The following DST variants were observed in gnomAD, a reference collection of about 807,000 sequenced individuals.
DST encodes the protein bullous pemphigoid antigen.
In DST, 253 loss-of-function variants were observed where a neutral mutation model predicts 875.2. The observed-to-expected ratio is 0.29, with a 90% CI of 0.26 to 0.32. The LOEUF (loss-of-function observed/expected upper bound fraction) is 0.32, where lower values mean the gene tolerates loss of function less well. Ranked by LOEUF, DST falls within the 10% of genes least tolerant of loss-of-function variation. DST has a pLI of 1.00. For synonymous variants in DST, 3,124 were observed against 3,197.1 expected (o/e 0.98, Z 0.77); for missense variants, 8,287 against 9,111.6 (o/e 0.91, Z 3.68).
chr6:56,893,588 A>AT lies in DST; in HGVS notation c.417+6832dup, dbSNP rs1788963958. On this transcript the variant is annotated intron_variant, in intron 3 of 103. Coordinates refer to ENST00000680361, the MANE Select transcript of DST (RefSeq NM_001374736.1). Reference sequence around the variant, plus strand: ...TTTTTTTTTTTTTTTTTTTTTTTTTATTTTTTTTTATTTTTTATTTTTTAT... The same window carrying AT: ...TTTTTTTTTTTTTTTTTTTTTTTTTATTTTTTTTTTATTTTTTATTTTTTAT... 4.6e-4 allele frequency among the ~76,000 whole-genome samples: 30 copies of AT among 65,148 alleles called. 1 individual carries two copies. Among genetic ancestry groups the AT allele is most frequent in the African/African-American group, 8.9e-4 (10 of 11,174 alleles). 42.7% of individuals were successfully genotyped at this position (65,148 alleles called of 152,430 possible). A position where few individuals can be genotyped will look rare whatever the true frequency, so the allele number is the denominator to read the frequency against.
At chr6:56,954,112 C>T (rs560673689) in intron 1 of DST, among the ~76,000 whole-genome samples, 13 of 152,252 alleles carry the variant, frequency 8.5e-5, no homozygotes, top group Non-Finnish European at 1.6e-4. Flanking sequence ...GAGGCTGGCG[C>T]AGCCCCGGAC....
At chr6:56,788,693 T>C (rs1248664771) in intron 4 of DST, among the ~76,000 whole-genome samples, 1 of 152,208 alleles carries the variant, frequency 6.6e-6, no homozygotes, top group Non-Finnish European at 1.5e-5. Context: ...AGTCTAGATA[T>C]TTTTCAATGT....
At chr6:56,803,529 T>C (rs2099749734) in intron 4 of DST, among the ~76,000 whole-genome samples, 1 of 152,188 alleles carries the variant, frequency 6.6e-6, no homozygotes, top group Non-Finnish European at 1.5e-5. Context: ...TCTTTTGATA[T>C]AATTATCAAA....
At chr6:56,909,314 G>A (rs1029342349) in intron 2 of DST, among the ~76,000 whole-genome samples, 11 of 152,096 alleles carry the variant, frequency 7.2e-5, no homozygotes, top group Admixed American at 7.2e-4. Flanking sequence ...GTTAGATAAG[G>A]CCATGTGACT....
At chr6:56,520,485 A>G (rs2096675094) in intron 69 of DST, among the ~76,000 whole-genome samples, 1 of 152,088 alleles carries the variant, frequency 6.6e-6, no homozygotes, top group Non-Finnish European at 1.5e-5. Context: ...TCTTGACTGT[A>G]TCAATGTCAA....
chr6:56,719,812 G>T (rs2099407963), intron 5 of DST, among the ~76,000 whole-genome samples: 1 of 152,166 alleles, frequency 6.6e-6, no homozygotes, highest in African/African-American at 2.4e-5. Flanking sequence ...CACAAAACCA[G>T]CAAGTTTTAT....
intron 72 of DST, among the ~76,000 whole-genome samples, chr6:56,513,543 T>C (rs2096526571): frequency 6.6e-6 from 1 of 152,126 alleles, no homozygotes; most frequent in African/African-American, 2.4e-5. Flanking sequence ...TTTGTATTTT[T>C]AGTAGAGGCA....
At chr6:56,569,325 G>GAAAAAA (rs755987516) in intron 54 of DST, among the ~76,000 whole-genome samples, 42 of 94,714 alleles carry the variant, frequency 4.4e-4, no homozygotes, top group African/African-American at 4.9e-4. Context: ...ACTCTGTCTC[G>GAAAAAA]AAAAAAAAAA....
chr6:56,715,165 G>A (rs2099390561), intron 5 of DST, among the ~76,000 whole-genome samples: 4 of 152,142 alleles, frequency 2.6e-5, no homozygotes, highest in Admixed American at 2.0e-4. Context: ...GGATCACAGG[G>A]AAAAAAACAG....
intron 2 of DST, among the ~76,000 whole-genome samples, chr6:56,905,369 G>C (rs1000784633): frequency 6.6e-6 from 1 of 152,074 alleles, no homozygotes; most frequent in Admixed American, 6.6e-5. Flanking sequence ...TCATTCAGCT[G>C]GCGTAACGGA....
chr6:56,458,846 A>G lies in DST; in HGVS notation c.*159T>C. 1 of 795,368 alleles carries G rather than the reference A, an allele frequency of 1.3e-6. No individual in the cohort carries two copies. 49.3% of individuals were successfully genotyped at this position (795,368 alleles called of 1,614,324 possible). A position where few individuals can be genotyped will look rare whatever the true frequency, so the allele number is the denominator to read the frequency against. ...CCCAGAATATCTGACAAAAAAAATT[A>G]TACAGATAAAATAAAAAGACAAATA... On this transcript the variant is annotated 3_prime_UTR_variant, in exon 104 of 104. Transcript: ENST00000680361.
Position 56,487,205 on chromosome 6 carries a change from C to A in DST, c.20946G>T (p.Leu6982=). Residue 6982 remains leucine (L), a synonymous_variant, in exon 87 of 104, where the codon CTG becomes CTT. Transcript: ENST00000680361. ...YDTTNRTGRS[L]KEKTSLADDN... is the part of the protein sequence containing the mutation. ...CATCAGCCAGGGAGGTTTTCTCCTT[C>A]AGAGAACGTCCAGTCCTGTTGGTGG... The A allele has an allele frequency of 1.2e-6, 2 of 1,613,836 alleles. No homozygotes were observed. Among genetic ancestry groups the A allele is most frequent in the Non-Finnish European group, 1.7e-6 (2 of 1,179,782 alleles).
In DST at chr6:56,608,618, T is replaced by C; in HGVS notation, c.6010A>G (p.Arg2004Gly). ...CTGACAGCTTCTTCAACAGTCATTC[T>C]TTGGCCAGAGTTGGAATTGATCAGA... ...GGLINSNSGQ[R>G]MTVEEAVREG... Residue 2004 changes from arginine (R) to glycine (G), a missense_variant, in exon 40 of 104, where the codon AGA (arginine) becomes GGA (glycine). Arg to Gly is a moderately radical substitution (Grantham distance 125). This residue lies in a region of DST where 3,138 missense variants were observed against 3,116.6 expected (regional missense o/e 1.01). Coordinates refer to ENST00000680361, the MANE Select transcript of DST (RefSeq NM_001374736.1). 6.2e-7 allele frequency: 1 copy of C among 1,613,446 alleles called. No individual in the cohort carries two copies. Among genetic ancestry groups the C allele is most frequent in the South Asian group, 1.1e-5 (1 of 91,002 alleles).
intron 46 of DST, 67 bp from the exon 47 acceptor site, chr6:56,598,073 A>AGTAAATTTACTTAGTTCT: frequency 7.2e-7 from 1 of 1,397,490 alleles, no homozygotes; most frequent in Non-Finnish European, 9.5e-7. Flanking sequence ...AGACATTCCA[A>AGTAAATTTACTTAGTTCT]AAGTAAATAC....
chr6:56,501,783 C>T, intron 78 of DST, 90 bp from the exon 79 acceptor site: 1 of 968,404 alleles, frequency 1.0e-6, no homozygotes. Context: ...TATTCTAATT[C>T]ACACTACTTA....
intron 4 of DST, among the ~76,000 whole-genome samples, chr6:56,750,307 T>G (rs2099583543): frequency 6.6e-6 from 1 of 151,980 alleles, no homozygotes; most frequent in Admixed American, 6.5e-5. Context: ...TACCTCAACT[T>G]TCTGTATCGT....
chr6:56,952,077 C>T (rs918699629), intron 2 of DST, among the ~76,000 whole-genome samples: 1 of 152,174 alleles, frequency 6.6e-6, no homozygotes, highest in Non-Finnish European at 1.5e-5. Flanking sequence ...AGATATGGTC[C>T]TGCCCTCAAG....
At chr6:56,667,694 A>G (rs566964468) in intron 10 of DST, among the ~76,000 whole-genome samples, 1 of 152,174 alleles carries the variant, frequency 6.6e-6, no homozygotes, top group Non-Finnish European at 1.5e-5. Context: ...CAAATAATTC[A>G]AAGACTCAAA....
At chr6:56,919,207 A>C (rs1802831168) in intron 2 of DST, among the ~76,000 whole-genome samples, 1 of 152,162 alleles carries the variant, frequency 6.6e-6, no homozygotes, top group African/African-American at 2.4e-5. Flanking sequence ...CTTTTATTCA[A>C]AACTGCCAAT....
Sources: gnomAD v4.1 joint callset for allele counts (sites outside exome capture counted in the v4.1 genomes callset) on GRCh38, gnomAD v4.1.1 for gene constraint, gnomAD v4.1.1 regional missense constraint, MANE v1.5 for transcripts, NCBI Gene and HGNC (gene_info 2026-07-23, HGNC 2026-07-21) for gene names.